Variants in TAOK1 observed in about 807,000 individuals in gnomAD.
The protein encoded by TAOK1 is serine/threonine-protein kinase TAO1.
TAOK1 carries 21 observed loss-of-function variants against 138.3 expected under a neutral mutation model. That is an observed-to-expected ratio of 0.15 (90% CI 0.11 to 0.22). TAOK1 has a LOEUF of 0.22. Ranked by LOEUF, TAOK1 falls within the 10% of genes least tolerant of loss-of-function variation. The pLI, the probability that TAOK1 is intolerant of heterozygous loss-of-function variation, is 1.00. For missense variants in TAOK1, 651 were observed against 1,227.7 expected (o/e 0.53, Z 7.02); for synonymous variants, 361 against 398.4 (o/e 0.91, Z 1.12).
intron 12 of TAOK1, among the ~76,000 whole-genome samples, chr17:29,500,200 G>T (rs1272691543): frequency 6.6e-6 from 1 of 152,076 alleles, no homozygotes; most frequent in Admixed American, 6.6e-5. Flanking sequence ...TCTAATCTCA[G>T]CTACTCAGGA....
At chr17:29,460,525 T>C (rs1283209593) in intron 2 of TAOK1, among the ~76,000 whole-genome samples, 1 of 152,170 alleles carries the variant, frequency 6.6e-6, no homozygotes, top group African/African-American at 2.4e-5. Context: ...TGACTGAAGT[T>C]GGTATGCCTA....
At chr17:29,517,230 T>TGCCC (rs987758050) in intron 15 of TAOK1, among the ~76,000 whole-genome samples, 3 of 152,024 alleles carry the variant, frequency 2.0e-5, no homozygotes, top group Non-Finnish European at 4.4e-5. Context: ...CCTCATGATC[T>TGCCC]GCCCGCCTCA....
At chr17:29,450,605 G>C (rs1029724743) in intron 1 of TAOK1, among the ~76,000 whole-genome samples, 2 of 152,132 alleles carry the variant, frequency 1.3e-5, no homozygotes, top group African/African-American at 2.4e-5. Flanking sequence ...TTGACCTCCT[G>C]AACTCCAGTG....
chr17:29,396,471 A>G (rs981316442), intron 1 of TAOK1, among the ~76,000 whole-genome samples: 2 of 152,226 alleles, frequency 1.3e-5, no homozygotes, highest in African/African-American at 2.4e-5. Flanking sequence ...TGTTATTTAA[A>G]TATAATGGCA....
chr17:29,421,228 C>T (rs1047664990), intron 1 of TAOK1, among the ~76,000 whole-genome samples: 4 of 152,176 alleles, frequency 2.6e-5, no homozygotes, highest in African/African-American at 9.7e-5. Context: ...CGCATCCAGC[C>T]GGTTATACAT....
intron 3 of TAOK1, among the ~76,000 whole-genome samples, chr17:29,467,562 G>A (rs542832256): frequency 1.6e-4 from 24 of 152,202 alleles, no homozygotes; most frequent in African/African-American, 5.1e-4. Flanking sequence ...GTGAGCCACC[G>A]CGCCCGGCCA....
At chr17:29,469,538 T>C (rs2030763399) in intron 3 of TAOK1, among the ~76,000 whole-genome samples, 2 of 152,180 alleles carry the variant, frequency 1.3e-5, no homozygotes, top group South Asian at 4.1e-4. Context: ...AGGTACTTAA[T>C]ATAAGTGGAA....
rs936104229 is a variant in TAOK1, at chr17:29,525,659, T to C, written c.2148+3140T>C. On this transcript the variant is annotated intron_variant, in intron 17 of 19. Transcript: ENST00000261716. ...ATCCACCCACCTCAGCTTCCCAAAC[T>C]GCTAGGATTACAGGCGTGAGCCACC... 2.0e-5 allele frequency among the ~76,000 whole-genome samples: 3 copies of C among 149,210 alleles called. No homozygotes were observed. In the Admixed American group the frequency reaches 2.0e-4, roughly 10 times the overall value.
chr17:29,540,753 A>G (rs536571045), intron 19 of TAOK1, among the ~76,000 whole-genome samples: 96 of 147,230 alleles, frequency 6.5e-4, no homozygotes, highest in Non-Finnish European at 2.5e-4. Context: ...TATTTTTACT[A>G]GAGACGGGGT....
chr17:29,422,451 C>T (rs962572770), intron 1 of TAOK1, among the ~76,000 whole-genome samples: 6 of 151,136 alleles, frequency 4.0e-5, no homozygotes, highest in Admixed American at 2.0e-4. Context: ...TGACCATCCT[C>T]AGGTGATCCG....
intron 1 of TAOK1, among the ~76,000 whole-genome samples, chr17:29,399,665 T>C (rs1904778027): frequency 6.6e-6 from 1 of 152,156 alleles, no homozygotes; most frequent in Admixed American, 6.6e-5. Flanking sequence ...AAAGAAATAG[T>C]TAGAATATCA....
At chr17:29,433,015 C>T (rs1314084201) in intron 1 of TAOK1, among the ~76,000 whole-genome samples, 1 of 152,130 alleles carries the variant, frequency 6.6e-6, no homozygotes, top group Non-Finnish European at 1.5e-5. Context: ...CTGCCTCGGC[C>T]TTCGTAAGTG....
chr17:29,400,573 T>C (rs1037500663), intron 1 of TAOK1, among the ~76,000 whole-genome samples: 1 of 152,116 alleles, frequency 6.6e-6, no homozygotes, highest in African/African-American at 2.4e-5. Context: ...TGTAGGTATG[T>C]CCTTACCTTG....
intron 8 of TAOK1, among the ~76,000 whole-genome samples, chr17:29,489,131 A>G (rs1221104602): frequency 6.6e-6 from 1 of 152,178 alleles, no homozygotes; most frequent in Non-Finnish European, 1.5e-5. Context: ...TTTACAGGAA[A>G]TATACACTCA....
intron 1 of TAOK1, among the ~76,000 whole-genome samples, chr17:29,419,278 C>G (rs913164877): frequency 1.3e-5 from 2 of 152,008 alleles, no homozygotes; most frequent in African/African-American, 2.4e-5. Flanking sequence ...CTCACCGCAA[C>G]CTCCGCCTCC....
At chr17:29,539,522 C>T (rs1221929140) in intron 19 of TAOK1, among the ~76,000 whole-genome samples, 2 of 152,132 alleles carry the variant, frequency 1.3e-5, no homozygotes, top group Non-Finnish European at 2.9e-5. Flanking sequence ...CAGCAACCTC[C>T]GGCTCCCGGG....
intron 3 of TAOK1, among the ~76,000 whole-genome samples, chr17:29,470,944 G>A (rs990883225): frequency 2.6e-5 from 4 of 152,106 alleles, no homozygotes; most frequent in Non-Finnish European, 1.5e-5. Context: ...CCAATGTGGT[G>A]GAAAACCCTG....
chr17:29,430,716 C>T (rs1212730049), intron 1 of TAOK1, among the ~76,000 whole-genome samples: 1 of 152,162 alleles, frequency 6.6e-6, no homozygotes, highest in Non-Finnish European at 1.5e-5. Flanking sequence ...CCTGCCTCAT[C>T]TTCCTCTGAG....
chr17:29,532,058 C>T (rs2032123490), intron 18 of TAOK1, among the ~76,000 whole-genome samples: 1 of 151,956 alleles, frequency 6.6e-6, no homozygotes, highest in Admixed American at 6.6e-5. Flanking sequence ...GACGGGGTTT[C>T]ACCGTGTTAG....
Sources: allele counts gnomAD v4.1 joint callset (sites outside exome capture counted in the v4.1 genomes callset), GRCh38; gene constraint gnomAD v4.1.1; transcripts MANE v1.5; gene names NCBI Gene and HGNC (gene_info 2026-07-23, HGNC 2026-07-21).